CREBBP: variants seen among roughly 807,000 people sequenced by gnomAD.
The protein encoded by CREBBP is CREB binding lysine acetyltransferase.
In CREBBP, 19 loss-of-function variants were observed where a neutral mutation model predicts 265.0. The ratio of observed to expected loss-of-function variants is 0.07; its 90% CI spans 0.05 to 0.11. The LOEUF (loss-of-function observed/expected upper bound fraction) is 0.11, where lower values mean the gene tolerates loss of function less well. Among genes scored for constraint, CREBBP ranks in the 10% least tolerant of loss-of-function variants. CREBBP has a pLI of 1.00. For missense variants in CREBBP, 2,525 were observed against 3,219.0 expected, an observed-to-expected ratio of 0.78 and a Z score of 5.22; for synonymous variants, 1,457 against 1,223.7, an observed-to-expected ratio of 1.19 and a Z score of -3.98.
chr16:3,867,316 C>A (rs1477707770), intron 1 of CREBBP, among the ~76,000 whole-genome samples: 1 of 152,044 alleles, frequency 6.6e-6, no homozygotes, highest in Admixed American at 6.6e-5. Flanking sequence ...CATAGCAAGA[C>A]CCTGTCTCTA....
At chr16:3,855,411 T>C (rs1166427628) in intron 1 of CREBBP, among the ~76,000 whole-genome samples, 1 of 152,170 alleles carries the variant, frequency 6.6e-6, no homozygotes, top group Non-Finnish European at 1.5e-5. Context: ...ATTACAGGCG[T>C]GCACCACCGC....
intron 20 of CREBBP, among the ~76,000 whole-genome samples, chr16:3,751,426 C>A (rs1344735990): frequency 1.3e-5 from 2 of 152,008 alleles, no homozygotes; most frequent in Admixed American, 1.3e-4. Flanking sequence ...CTCGTCTCTA[C>A]AAAAAATACA....
chr16:3,738,772 G>T (rs2052133095), intron 25 of CREBBP, 100 bp from the exon 26 acceptor site: 3 of 789,028 alleles, frequency 3.8e-6, no homozygotes, highest in Non-Finnish European at 2.2e-6. Context: ...TTTAGACAGG[G>T]TCTTGCTCTG....
At chr16:3,762,133 C>T (rs1042549019) in intron 16 of CREBBP, among the ~76,000 whole-genome samples, 3 of 152,158 alleles carry the variant, frequency 2.0e-5, no homozygotes, top group Non-Finnish European at 4.4e-5. Context: ...CTGTAGCTGC[C>T]TCCGTGCCAC....
chr16:3,846,811 C>T (rs754409336), intron 2 of CREBBP, among the ~76,000 whole-genome samples: 2 of 152,212 alleles, frequency 1.3e-5, no homozygotes, highest in Non-Finnish European at 2.9e-5. Context: ...TACATCATCA[C>T]TGGCAGGACA....
At chr16:3,861,218 G>A (rs2055066298) in intron 1 of CREBBP, among the ~76,000 whole-genome samples, 1 of 152,140 alleles carries the variant, frequency 6.6e-6, no homozygotes, top group African/African-American at 2.4e-5. Flanking sequence ...GCAGTGAGCC[G>A]AGATCGCGCC....
At chr16:3,738,769 A>T in intron 25 of CREBBP, 97 bp from the exon 26 acceptor site, 2 of 816,340 alleles carry the variant, frequency 2.4e-6, no homozygotes, top group Non-Finnish European at 4.2e-6. Flanking sequence ...CTTTTTAGAC[A>T]GGGTCTTGCT....
At chr16:3,764,269 G>A (rs1370287599) in intron 16 of CREBBP, among the ~76,000 whole-genome samples, 6 of 151,446 alleles carry the variant, frequency 4.0e-5, no homozygotes, top group Non-Finnish European at 7.4e-5. Context: ...ACTGCTCCCA[G>A]CCAAGAAAAA....
intron 2 of CREBBP, among the ~76,000 whole-genome samples, chr16:3,818,540 T>G (rs1180097084): frequency 6.6e-6 from 1 of 152,096 alleles, no homozygotes; most frequent in African/African-American, 2.4e-5. Flanking sequence ...GCCAGGCTGG[T>G]CTCAAACTCC....
intron 3 of CREBBP, among the ~76,000 whole-genome samples, chr16:3,795,322 A>C (rs913837227): frequency 5.9e-5 from 9 of 152,356 alleles, no homozygotes; most frequent in South Asian, 4.1e-4. Flanking sequence ...AGAAATAATT[A>C]ACAACAATTA....
intron 2 of CREBBP, among the ~76,000 whole-genome samples, chr16:3,828,464 C>T (rs894473048): frequency 2.6e-5 from 4 of 152,214 alleles, no homozygotes; most frequent in African/African-American, 9.7e-5. Context: ...AGCCATAACC[C>T]AATCAGACCA....
rs1487084706 is a variant in CREBBP at position 3,728,190 on chromosome 16, T to C, written c.6857A>G (p.Asn2286Ser). Residue 2286 changes from asparagine (N) to serine (S), a missense_variant, in exon 31 of 31, where the codon AAC becomes AGC. Physicochemically the swap from Asn to Ser is conservative, Grantham distance 46. Transcript: ENST00000262367. The surrounding 1 kb of genome is among the most constrained non-coding windows in gnomAD (Gnocchi z 8.7). Reference sequence around the variant, plus strand: ...CCGCTGCTGCAGGGCTTGCTGGATGTTGGGGGTGCTGTCTGCCCCCAGCCC... The same window carrying C: ...CCGCTGCTGCAGGGCTTGCTGGATGCTGGGGGTGCTGTCTGCCCCCAGCCC... ...QPGLGADSTP[N>S]IQQALQQRIL... The C allele has an allele frequency of 1.2e-6, 2 of 1,614,004 alleles. No individual in the cohort carries two copies. The highest frequency in any genetic ancestry group is 2.2e-5 in the East Asian group (1 of 44,890).
At chr16:3,777,389 T>C (rs918803344) in intron 11 of CREBBP, among the ~76,000 whole-genome samples, 1 of 151,918 alleles carries the variant, frequency 6.6e-6, no homozygotes, top group African/African-American at 2.4e-5. Flanking sequence ...AATAAATAGC[T>C]AAATACTGCT....
intron 1 of CREBBP, among the ~76,000 whole-genome samples, chr16:3,856,670 G>GA (rs1375903619): frequency 6.6e-6 from 1 of 152,174 alleles, no homozygotes. Flanking sequence ...GCATGAAAAT[G>GA]AAACTTCATC....
intron 11 of CREBBP, among the ~76,000 whole-genome samples, chr16:3,777,176 A>T (rs2053160974): frequency 6.6e-6 from 1 of 151,526 alleles, no homozygotes; most frequent in African/African-American, 2.4e-5. Flanking sequence ...TCTATTAAAA[A>T]TACAAAAAAT....
chr16:3,854,635 A>C (rs576388883), intron 1 of CREBBP, among the ~76,000 whole-genome samples: 12 of 152,316 alleles, frequency 7.9e-5, no homozygotes, highest in South Asian at 2.1e-4. Context: ...ACAACACCAG[A>C]TGCCCCCTAC....
At chr16:3,856,474 T>C (rs1370979354) in intron 1 of CREBBP, among the ~76,000 whole-genome samples, 1 of 152,106 alleles carries the variant, frequency 6.6e-6, no homozygotes, top group African/African-American at 2.4e-5. Context: ...TTCCCAGGCT[T>C]GCCAGCTAAT....
At chr16:3,780,923 C>T (rs772270751) in intron 7 of CREBBP, 45 bp from the exon 8 acceptor site, 1 of 1,607,356 alleles carries the variant, frequency 6.2e-7, no homozygotes, top group Admixed American at 1.7e-5. Flanking sequence ...TGAAGTGACT[C>T]AAACACACTT....
intron 3 of CREBBP, among the ~76,000 whole-genome samples, chr16:3,799,953 C>A (rs138198590): frequency 6.6e-6 from 1 of 151,868 alleles, no homozygotes; most frequent in African/African-American, 2.4e-5. Context: ...GGGAAATTCC[C>A]GAGAAAACAA....
Sources: allele counts gnomAD v4.1 joint callset (sites outside exome capture counted in the v4.1 genomes callset), GRCh38; gene constraint gnomAD v4.1.1; non-coding constraint Gnocchi (gnomAD v3.1); transcripts MANE v1.5; gene names NCBI Gene and HGNC (gene_info 2026-07-23, HGNC 2026-07-21).